TBX15: variants seen among roughly 807,000 people sequenced by gnomAD.
TBX15 encodes the protein T-box transcription factor 15, also known as T-box transcription factor TBX15.
Under a neutral mutation model 53.9 loss-of-function variants are expected in TBX15, and 18 were observed. The ratio of observed to expected loss-of-function variants is 0.33; its 90% CI spans 0.23 to 0.49. TBX15 has a LOEUF of 0.49. Among genes scored for constraint, TBX15 ranks in the 20% least tolerant of loss-of-function variants. The probability of loss-of-function intolerance (pLI) is 0.98; values close to 1 mark genes in which losing one functional copy is unlikely to be tolerated. For synonymous variants in TBX15, 295 were observed against 278.0 expected (o/e 1.06, Z -0.61); for missense variants, 692 against 749.5 (o/e 0.92, Z 0.90).
At chr1:118,984,204 C>G (rs915279758) in intron 1 of TBX15, among the ~76,000 whole-genome samples, 1 of 152,182 alleles carries the variant, frequency 6.6e-6, no homozygotes, top group Non-Finnish European at 1.5e-5. Flanking sequence ...TACACGTGTA[C>G]GCGGAGTGTC....
At chr1:118,961,664 C>A (rs1200985291) in intron 1 of TBX15, among the ~76,000 whole-genome samples, 1 of 152,142 alleles carries the variant, frequency 6.6e-6, no homozygotes, top group Non-Finnish European at 1.5e-5. Flanking sequence ...GTGATTTGCT[C>A]AAAATTTCCT....
At chr1:118,970,155 G>A (rs1480807498) in intron 1 of TBX15, among the ~76,000 whole-genome samples, 1 of 152,224 alleles carries the variant, frequency 6.6e-6, no homozygotes, top group Non-Finnish European at 1.5e-5. Context: ...TGTACAGCCT[G>A]TGGAACTGTG....
intron 1 of TBX15, among the ~76,000 whole-genome samples, chr1:118,982,677 C>G (rs887445942): frequency 1.3e-5 from 2 of 152,206 alleles, no homozygotes; most frequent in African/African-American, 4.8e-5. Flanking sequence ...AGATTTTAAA[C>G]AAATTTTCTT....
At chr1:118,898,902 C>T in intron 7 of TBX15, 126 bp downstream of exon 7, 2 of 964,172 alleles carry the variant, frequency 2.1e-6, no homozygotes, top group East Asian at 2.6e-5. Context: ...CTCCTGAGTT[C>T]TCTTCATTCC....
chr1:118,949,610 T>C (rs1044016353), intron 1 of TBX15, among the ~76,000 whole-genome samples: 35 of 152,226 alleles, frequency 2.3e-4, no homozygotes, highest in Non-Finnish European at 4.4e-4. Flanking sequence ...CACCCAGCCT[T>C]GAAACATCAG....
chr1:118,928,190 T>C (rs12135657), intron 2 of TBX15, among the ~76,000 whole-genome samples: 19,546 of 152,244 alleles, frequency 0.13, 1,778 homozygotes, highest in Non-Finnish European at 0.18. Flanking sequence ...AGTGACATCA[T>C]AATCATATCT....
intron 1 of TBX15, among the ~76,000 whole-genome samples, chr1:118,974,866 T>C (rs1047022932): frequency 6.6e-6 from 1 of 152,322 alleles, no homozygotes; most frequent in East Asian, 1.9e-4. Context: ...GAAGCCACTG[T>C]GGAAATCAGA....
intron 1 of TBX15, among the ~76,000 whole-genome samples, chr1:118,938,987 A>G (rs955568531): frequency 7.2e-5 from 11 of 152,166 alleles, no homozygotes; most frequent in African/African-American, 2.7e-4. Context: ...GCCTATCAAT[A>G]GTAGATTGGA....
In TBX15 at chr1:118,914,213, A is replaced by G. The variant is rs752615104; in HGVS notation, c.862-34T>C. On this transcript the variant is annotated intron_variant, in intron 5 of 7. Transcript: ENST00000369429. ...AAACAAATAAGTATGAATTGCTTTT[A>G]TATTAACTGATTTCTTTCTTAGTAC... The G allele has an allele frequency of 8.8e-6, 14 of 1,583,626 alleles. No individual in the cohort carries two copies. The South Asian group carries it at 1.3e-4, about 15-fold the overall frequency.
At chr1:118,901,922 G>C (rs17022721) in intron 6 of TBX15, among the ~76,000 whole-genome samples, 5,842 of 152,148 alleles carry the variant, frequency 0.038, 367 homozygotes, top group African/African-American at 0.13. Context: ...ATCCATCCAG[G>C]GGTCTGTTAC....
intron 5 of TBX15, among the ~76,000 whole-genome samples, chr1:118,916,866 CA>C (rs1324521986): frequency 4.7e-5 from 7 of 147,720 alleles, no homozygotes; most frequent in African/African-American, 1.5e-4. Flanking sequence ...ACTCTGTCTC[CA>C]AAAAAAATAA....
intron 6 of TBX15, chr1:118,901,463 A>G: frequency 6.6e-6 from 3 of 455,088 alleles, no homozygotes; most frequent in South Asian, 4.7e-5. Context: ...TTTGGGGGAC[A>G]TATTCAAACC....
chr1:118,893,098 G>C (rs762496233), intron 7 of TBX15, among the ~76,000 whole-genome samples: 3 of 151,754 alleles, frequency 2.0e-5, no homozygotes, highest in Non-Finnish European at 4.4e-5. Context: ...AATTAGCCAG[G>C]CATGGTGGTG....
intron 1 of TBX15, among the ~76,000 whole-genome samples, chr1:118,984,509 G>T (rs1475855350): frequency 6.7e-6 from 1 of 148,256 alleles, no homozygotes; most frequent in Admixed American, 6.6e-5. Flanking sequence ...TACTTGCAAG[G>T]CCGCAGCAAT....
At chr1:118,913,942 A>C (rs1655106052) in intron 6 of TBX15, among the ~76,000 whole-genome samples, 173 bp downstream of exon 6, 1 of 152,234 alleles carries the variant, frequency 6.6e-6, no homozygotes, top group Non-Finnish European at 1.5e-5. Context: ...GATTTAGACT[A>C]TGCAACAAAG....
chr1:118,887,086 G>A (rs904536366), intron 7 of TBX15, among the ~76,000 whole-genome samples: 1 of 152,218 alleles, frequency 6.6e-6, no homozygotes, highest in African/African-American at 2.4e-5. Context: ...TCCAATGGAA[G>A]TTAAAGACAT....
chr1:118,953,174 A>C (rs1656574318), intron 1 of TBX15, among the ~76,000 whole-genome samples: 1 of 152,164 alleles, frequency 6.6e-6, no homozygotes, highest in African/African-American at 2.4e-5. Flanking sequence ...ATTTTTTCAC[A>C]CTAGTGATTT....
chr1:118,966,292 C>A (rs1413590751), intron 1 of TBX15, among the ~76,000 whole-genome samples: 1 of 152,208 alleles, frequency 6.6e-6, no homozygotes, highest in Non-Finnish European at 1.5e-5. Context: ...AATGGGCTGT[C>A]ACCCAGCAGC....
At chr1:118,956,418 T>C (rs559738732) in intron 1 of TBX15, among the ~76,000 whole-genome samples, 15 of 152,182 alleles carry the variant, frequency 9.9e-5, no homozygotes, top group Non-Finnish European at 2.2e-4. Flanking sequence ...ATATAAATGT[T>C]TATACAAAAA....
Sources: allele counts gnomAD v4.1 joint callset (sites outside exome capture counted in the v4.1 genomes callset), GRCh38; gene constraint gnomAD v4.1.1; transcripts MANE v1.5; gene names NCBI Gene and HGNC (gene_info 2026-07-23, HGNC 2026-07-21).